Variants in PLA2R1 observed in about 807,000 individuals in gnomAD.
PLA2R1 encodes secretory phospholipase A2 receptor.
Under a neutral mutation model 195.9 loss-of-function variants are expected in PLA2R1, and 158 were observed. That is an observed-to-expected ratio of 0.81 (90% CI 0.71 to 0.92). PLA2R1 has a LOEUF of 0.92. Ranked by LOEUF, PLA2R1 falls within the 40% of genes least tolerant of loss-of-function variation. The pLI is 0.00. For missense variants in PLA2R1, 1,626 were observed against 1,764.6 expected, an observed-to-expected ratio of 0.92 and a Z score of 1.41; for synonymous variants, 586 against 598.2, an observed-to-expected ratio of 0.98 and a Z score of 0.30.
At chr2:159,999,773 CAG>C (rs1235665560) in intron 11 of PLA2R1, among the ~76,000 whole-genome samples, 2 of 152,070 alleles carry the variant, frequency 1.3e-5, no homozygotes, top group African/African-American at 2.4e-5. Flanking sequence ...TTTAAAAACA[CAG>C]AGAGAGACAT....
chr2:160,033,035 C>A lies in PLA2R1; in HGVS notation c.765G>T (p.Glu255Asp). 6.2e-7 allele frequency: 1 copy of A among 1,613,492 alleles called. No individual in the cohort carries two copies. Among genetic ancestry groups the A allele is most frequent in the Admixed American group, 1.7e-5 (1 of 59,968 alleles). ...FNLLSSLSWSEAHSSCQMQGG... is the reference protein window; with the variant it reads ...FNLLSSLSWSDAHSSCQMQGG... ...CTTGCATCTGGCATGAAGAATGTGCCTCACTCCAAGAGAGAGATGAAAGCA... is the reference window on the plus strand; with the variant it reads ...CTTGCATCTGGCATGAAGAATGTGCATCACTCCAAGAGAGAGATGAAAGCA... The change falls in exon 4 of 30, where the codon GAG becomes GAT. Residue 255 changes from glutamate (E) to aspartate (D), a missense_variant. Physicochemically the swap from Glu to Asp is conservative, Grantham distance 45. Coordinates refer to ENST00000283243, the MANE Select transcript of PLA2R1 (RefSeq NM_007366.5).
intron 11 of PLA2R1, among the ~76,000 whole-genome samples, chr2:159,997,643 G>A (rs1018125043): frequency 1.4e-4 from 22 of 152,190 alleles, no homozygotes; most frequent in Non-Finnish European, 4.4e-5. Flanking sequence ...AGAGTTGTCT[G>A]TGTTGAGCCT....
At chr2:160,032,920 T>A in intron 4 of PLA2R1, 39 bp downstream of exon 4, 1 of 1,345,532 alleles carries the variant, frequency 7.4e-7, no homozygotes, top group Non-Finnish European at 1.1e-6. Context: ...AACCATCTTT[T>A]ATTGTATCAA....
intron 11 of PLA2R1, 52 bp downstream of exon 11, chr2:160,005,600 A>C: frequency 6.5e-7 from 1 of 1,526,958 alleles, no homozygotes; most frequent in Non-Finnish European, 9.0e-7. Context: ...GGTGGAAGGA[A>C]TTTGGAGTAA....
chr2:159,929,745 C>A (rs914649256), downstream of PLA2R1, among the ~76,000 whole-genome samples: 3 of 152,018 alleles, frequency 2.0e-5, no homozygotes, highest in Non-Finnish European at 2.9e-5. Context: ...AAATGTGGGA[C>A]CAGCCCAAAT....
At chr2:160,052,074 A>C (rs1695245509) in intron 1 of PLA2R1, among the ~76,000 whole-genome samples, 1 of 152,184 alleles carries the variant, frequency 6.6e-6, no homozygotes, top group Non-Finnish European at 1.5e-5. Flanking sequence ...TTCTGAACCT[A>C]GATAATCACC....
At chr2:159,928,884 A>G (rs561064431), downstream of PLA2R1, among the ~76,000 whole-genome samples, 1 of 152,352 alleles carries the variant, frequency 6.6e-6, no homozygotes, top group Non-Finnish European at 1.5e-5. Flanking sequence ...CAAAGCAAAC[A>G]AAAACATAAA....
intron 1 of PLA2R1, among the ~76,000 whole-genome samples, chr2:160,049,692 G>A (rs1302839046): frequency 4.6e-5 from 7 of 152,222 alleles, no homozygotes; most frequent in African/African-American, 2.4e-5. Context: ...TGGGCGTGGT[G>A]GTGCGTGCCT....
At chr2:160,036,574 T>C (rs113199360) in intron 3 of PLA2R1, among the ~76,000 whole-genome samples, 13 of 152,338 alleles carry the variant, frequency 8.5e-5, no homozygotes, top group Admixed American at 3.9e-4. Context: ...GTTATTTGCA[T>C]TTCTGGTGCA....
chr2:160,023,435 C>T lies in PLA2R1; in HGVS notation c.1100-576G>A, dbSNP rs868229211. Reference sequence around the variant, plus strand: ...ATTAGCATGCTAAAAGACACTCCCACCAGTGCCATGACAGTTTACAAGCTG... The same window carrying T: ...ATTAGCATGCTAAAAGACACTCCCATCAGTGCCATGACAGTTTACAAGCTG... On this transcript the variant is annotated intron_variant, in intron 6 of 29. Coordinates refer to ENST00000283243, the MANE Select transcript of PLA2R1 (RefSeq NM_007366.5). Among the ~76,000 whole-genome samples the T allele has an allele frequency of 2.0e-4, 31 of 152,294 alleles. 1 individual carries two copies. The highest frequency in any genetic ancestry group is 6.7e-4 in the African/African-American group (28 of 41,548).
At chr2:159,957,113 C>T (rs1688141973) in intron 20 of PLA2R1, among the ~76,000 whole-genome samples, 1 of 152,032 alleles carries the variant, frequency 6.6e-6, no homozygotes, top group Non-Finnish European at 1.5e-5. Context: ...TCACTAAATA[C>T]TTGAGTCAGC....
chr2:160,011,963 T>C (rs1692394474), intron 10 of PLA2R1, among the ~76,000 whole-genome samples: 1 of 152,038 alleles, frequency 6.6e-6, no homozygotes, highest in Non-Finnish European at 1.5e-5. Context: ...TGTGTGCGTG[T>C]GTCTGTTTGT....
intron 6 of PLA2R1, among the ~76,000 whole-genome samples, chr2:160,026,409 A>T (rs1180032192): frequency 6.6e-6 from 1 of 152,182 alleles, no homozygotes; most frequent in Admixed American, 6.5e-5. Context: ...AACTCTGATG[A>T]CTTCCTTTAA....
chr2:159,947,075 T>G (rs1442619839), intron 26 of PLA2R1, among the ~76,000 whole-genome samples, 158 bp from the exon 27 acceptor site: 1 of 152,256 alleles, frequency 6.6e-6, no homozygotes, highest in Non-Finnish European at 1.5e-5. Flanking sequence ...AAACCACATT[T>G]TTTAAAAGAT....
At chr2:159,923,944 C>T in the PLA2R1 span, among the ~76,000 whole-genome samples, 1 of 152,108 alleles carries the variant, frequency 6.6e-6, no homozygotes, top group Non-Finnish European at 1.5e-5. Flanking sequence ...TGCCTGAAAC[C>T]ACAGAAATTT....
chr2:160,032,285 T>C (rs994889093), intron 4 of PLA2R1, among the ~76,000 whole-genome samples: 2 of 152,204 alleles, frequency 1.3e-5, no homozygotes, highest in Non-Finnish European at 2.9e-5. Flanking sequence ...CATCAAAAAC[T>C]GTTAATGAAA....
downstream of PLA2R1, among the ~76,000 whole-genome samples, chr2:159,929,196 A>C (rs1686538452): frequency 6.6e-6 from 1 of 152,258 alleles, no homozygotes; most frequent in African/African-American, 2.4e-5. Context: ...AAAAGAAACA[A>C]TCAGCAGAGT....
chr2:159,941,140 T>C lies in PLA2R1; in HGVS notation c.*638A>G, dbSNP rs1011555466. 1 of 152,212 alleles carries C rather than the reference T, an allele frequency of 6.6e-6. No individual in the cohort carries two copies. Among genetic ancestry groups the C allele is most frequent in the Non-Finnish European group, 1.5e-5 (1 of 68,026 alleles). 9.4% of individuals were successfully genotyped at this position (152,212 alleles called of 1,614,324 possible). The stretch of plus-strand genomic sequence containing the variant: ...GTGCTGCTAATGAAGGTCTTTGCCA[T>C]TTAAAAGAAGGTATTTTTCTTTCTC... On this transcript the variant is annotated 3_prime_UTR_variant, in exon 30 of 30. Coordinates refer to ENST00000283243, the MANE Select transcript of PLA2R1 (RefSeq NM_007366.5).
At position 159,932,520 on chromosome 2, in the gene PLA2R1, T is replaced by C. The variant is rs1686631083; in HGVS notation, c.*9258A>G. 2 of 152,312 alleles carry C rather than the reference T, an allele frequency of 1.3e-5. No individual in the cohort carries two copies. Among genetic ancestry groups the C allele is most frequent in the Non-Finnish European group, 2.9e-5 (2 of 68,092 alleles). The allele number at this position is 152,312 out of a possible 1,614,324, so 9.4% of individuals were successfully genotyped here. On this transcript the variant is annotated 3_prime_UTR_variant, in exon 30 of 30. Transcript: ENST00000283243. ...GTTTCCATTCCTCCCCATTCCTTTC[T>C]TTGAGTTTTTCCTTGTTCTGCCTTC...
Sources: gnomAD v4.1 joint callset for allele counts (sites outside exome capture counted in the v4.1 genomes callset) on GRCh38, gnomAD v4.1.1 for gene constraint, MANE v1.5 for transcripts, NCBI Gene and HGNC (gene_info 2026-07-23, HGNC 2026-07-21) for gene names.